Variants in CHP1 observed in about 807,000 individuals in gnomAD.
CHP1 encodes the protein calcineurin B homologous protein 1.
CHP1 carries 11 observed loss-of-function variants against 27.4 expected under a neutral mutation model. That is an observed-to-expected ratio of 0.40 (90% CI 0.25 to 0.67). The LOEUF is 0.67. Among genes scored for constraint, CHP1 ranks in the 30% least tolerant of loss-of-function variants. CHP1 has a pLI of 0.38. For missense variants in CHP1, 169 were observed against 251.3 expected, an observed-to-expected ratio of 0.67 and a Z score of 2.22; for synonymous variants, 89 against 87.4, an observed-to-expected ratio of 1.02 and a Z score of -0.10.
chr15:41,235,441 G>T (rs1413204358), intron 1 of CHP1, among the ~76,000 whole-genome samples: 1 of 152,174 alleles, frequency 6.6e-6, no homozygotes, highest in Non-Finnish European at 1.5e-5. Flanking sequence ...TGGGAGGATT[G>T]CTTAGGCGGG....
At chr15:41,258,346 C>T (rs2047413671) in intron 3 of CHP1, among the ~76,000 whole-genome samples, 1 of 152,144 alleles carries the variant, frequency 6.6e-6, no homozygotes. Flanking sequence ...ATACAATCCT[C>T]TTATCTAATC....
At chr15:41,241,106 C>CT (rs1294675964) in intron 1 of CHP1, among the ~76,000 whole-genome samples, 5 of 152,150 alleles carry the variant, frequency 3.3e-5, no homozygotes, top group Non-Finnish European at 5.9e-5. Context: ...CCGCCTTGGC[C>CT]TCCCAAAGTG....
intron 1 of CHP1, among the ~76,000 whole-genome samples, chr15:41,243,279 G>A (rs1196491005): frequency 6.6e-6 from 1 of 151,970 alleles, no homozygotes; most frequent in Non-Finnish European, 1.5e-5. Context: ...AGGCAGAGGT[G>A]GCAGTGAGTG....
rs1471511581 is a variant in CHP1, at chr15:41,275,879, C to A, written c.412-2888C>A. Among the ~76,000 whole-genome samples, 8 of 152,196 alleles carry A rather than the reference C, an allele frequency of 5.3e-5. No homozygotes were observed. In the East Asian group the frequency reaches 1.6e-3, roughly 30 times the overall value. ...TACAGGTATGCACCACCACGCCCAG[C>A]TAATTTTGTATTTTTAGTAGAGATG... On this transcript the variant is annotated intron_variant, in intron 5 of 6. Transcript: ENST00000334660.
chr15:41,256,586 G>T, intron 2 of CHP1: 1 of 292,638 alleles, frequency 3.4e-6, no homozygotes, highest in Non-Finnish European at 6.5e-6. Flanking sequence ...TAATAACTAG[G>T]TACGCAATGC....
intron 4 of CHP1, among the ~76,000 whole-genome samples, chr15:41,265,240 T>A (rs537518503): frequency 6.6e-6 from 1 of 151,694 alleles, no homozygotes; most frequent in South Asian, 2.1e-4. Flanking sequence ...GGTGGATGCC[T>A]GTAATCCCAG....
chr15:41,243,310 A>C (rs1333169284), intron 1 of CHP1, among the ~76,000 whole-genome samples: 1 of 152,240 alleles, frequency 6.6e-6, no homozygotes, highest in Admixed American at 6.5e-5. Flanking sequence ...ACTGCACTCC[A>C]GCCTGGGTGA....
chr15:41,280,580 T>A lies in CHP1; in HGVS notation c.*1191T>A, dbSNP rs964123265. ...CCCAGGCTGGAGTGCAGTGGTGCGA[T>A]CGCTCACTGCAACCTCAGCCTCCTG... On this transcript the variant is annotated 3_prime_UTR_variant, in exon 7 of 7. Transcript: ENST00000334660. 1 of 139,014 alleles carries A rather than the reference T, an allele frequency of 7.2e-6. No homozygotes were observed. Among genetic ancestry groups the A allele is most frequent in the African/African-American group, 2.7e-5 (1 of 37,572 alleles). The allele number at this position is 139,014 out of a possible 1,614,324, so 8.6% of individuals were successfully genotyped here.
At position 41,262,775 on chromosome 15, in the gene CHP1, C is replaced by A; in HGVS notation, c.241C>A (p.Arg81Ser). 6.2e-7 allele frequency: 1 copy of A among 1,612,822 alleles called. No individual in the cohort carries two copies. The highest frequency in any genetic ancestry group is 8.5e-7 in the Non-Finnish European group (1 of 1,179,918). ...AATCAGAGAGGACCAGGTAAACTTC[C>A]GTGGATTCATGCGAACTTTGGCTCA... The part of the protein sequence containing the change: ...FPEGEDQVNF[R>S]GFMRTLAHFR... The change falls in exon 4 of 7, where the codon CGT becomes AGT. Residue 81 changes from arginine to serine, a missense_variant. Coordinates refer to ENST00000334660, the MANE Select transcript of CHP1 (RefSeq NM_007236.5).
intron 1 of CHP1, among the ~76,000 whole-genome samples, chr15:41,240,430 T>G (rs2047300331): frequency 6.6e-6 from 1 of 152,144 alleles, no homozygotes; most frequent in South Asian, 2.1e-4. Flanking sequence ...TATTACAACT[T>G]TGTAAAGTAC....
At chr15:41,271,796 G>C (rs1320667233) in intron 5 of CHP1, among the ~76,000 whole-genome samples, 1 of 152,232 alleles carries the variant, frequency 6.6e-6, no homozygotes, top group Non-Finnish European at 1.5e-5. Context: ...ACAGTCTTCA[G>C]GTCAGTGTTA....
chr15:41,239,216 G>T (rs1567002829), intron 1 of CHP1, among the ~76,000 whole-genome samples: 3 of 151,916 alleles, frequency 2.0e-5, no homozygotes, highest in Non-Finnish European at 4.4e-5. Context: ...CTAAAATTTT[G>T]GAGATAAGTT....
intron 5 of CHP1, among the ~76,000 whole-genome samples, chr15:41,271,185 G>A (rs1390787565): frequency 1.3e-5 from 2 of 150,984 alleles, no homozygotes; most frequent in Non-Finnish European, 2.9e-5. Flanking sequence ...AACCTGGGAG[G>A]CGGAGCTTGC....
chr15:41,262,954 C>A (rs960988523), intron 4 of CHP1, 71 bp downstream of exon 4: 5 of 1,575,578 alleles, frequency 3.2e-6, no homozygotes, highest in Admixed American at 1.7e-5. Flanking sequence ...TTTACTCACT[C>A]ATTATTTGAA....
At chr15:41,263,007 G>T in intron 4 of CHP1, 124 bp downstream of exon 4, 1 of 1,266,024 alleles carries the variant, frequency 7.9e-7, no homozygotes, top group Non-Finnish European at 1.1e-6. Flanking sequence ...TCAGACTCTG[G>T]AGCTAAACTG....
intron 1 of CHP1, 129 bp downstream of exon 1, chr15:41,231,578 G>A (rs1432841961): frequency 3.7e-6 from 3 of 820,424 alleles, no homozygotes; most frequent in East Asian, 5.3e-5. Flanking sequence ...TCCAGGTTTG[G>A]GGACCGAGAG....
chr15:41,244,959 T>C (rs1344129683), intron 2 of CHP1, among the ~76,000 whole-genome samples: 1 of 152,062 alleles, frequency 6.6e-6, no homozygotes, highest in African/African-American at 2.4e-5. Context: ...GTGTTGGATG[T>C]AGCATAAAGG....
intron 2 of CHP1, among the ~76,000 whole-genome samples, chr15:41,252,801 C>G (rs1016949354): frequency 2.0e-5 from 3 of 151,996 alleles, no homozygotes; most frequent in African/African-American, 7.3e-5. Flanking sequence ...TCAGAATTGA[C>G]TACTACCAGT....
At chr15:41,279,282 G>A in intron 6 of CHP1, 54 bp from the exon 7 acceptor site, 1 of 1,354,470 alleles carries the variant, frequency 7.4e-7, no homozygotes, top group Non-Finnish European at 1.1e-6. Flanking sequence ...ATAAGAGCTT[G>A]GGAGTGTTGT....
Sources: allele counts gnomAD v4.1 joint callset (sites outside exome capture counted in the v4.1 genomes callset), GRCh38; gene constraint gnomAD v4.1.1; transcripts MANE v1.5; gene names NCBI Gene and HGNC (gene_info 2026-07-23, HGNC 2026-07-21).